The following GK5 variants were observed in gnomAD, a reference collection of about 807,000 sequenced individuals.
GK5 encodes glycerol kinase 5.
GK5 carries 39 observed loss-of-function variants against 77.3 expected under a neutral mutation model. The ratio of observed to expected loss-of-function variants is 0.50; its 90% confidence interval spans 0.39 to 0.66. The LOEUF (loss-of-function observed/expected upper bound fraction) is 0.66. Ranked by LOEUF, GK5 falls within the 30% of genes least tolerant of loss-of-function variation. The pLI, the probability that GK5 is intolerant of heterozygous loss-of-function variation, is 0.00. For missense variants in GK5, 487 were observed against 633.8 expected (o/e 0.77, Z 2.49); for synonymous variants, 211 against 208.0 (o/e 1.01, Z -0.13).
intron 1 of GK5, among the ~76,000 whole-genome samples, chr3:142,222,258 G>GT (rs200479850): frequency 3.3e-5 from 5 of 152,248 alleles, no homozygotes; most frequent in African/African-American, 1.2e-4. Flanking sequence ...GTTGCTAATT[G>GT]TTTTTTTAAA....
chr3:142,182,832 C>A, intron 10 of GK5, 91 bp downstream of exon 10: 1 of 845,852 alleles, frequency 1.2e-6, no homozygotes. Flanking sequence ...GAGAATATCA[C>A]AAAATGGGAA....
At chr3:142,200,137 A>T (rs1159229717) in intron 4 of GK5, among the ~76,000 whole-genome samples, 1 of 151,724 alleles carries the variant, frequency 6.6e-6, no homozygotes, top group African/African-American at 2.4e-5. Flanking sequence ...ATACACACAC[A>T]CATACATATG....
chr3:142,170,238 C>G (rs2063519863), intron 15 of GK5, 87 bp downstream of exon 15: 1 of 1,395,096 alleles, frequency 7.2e-7, no homozygotes. Context: ...TCCAGACTCT[C>G]TAGAATTTTG....
chr3:142,192,570 C>G lies in GK5; in HGVS notation c.544-4791G>C, dbSNP rs191720415. Among the ~76,000 whole-genome samples, 344 of 152,184 alleles carry G rather than the reference C, an allele frequency of 2.3e-3. 1 individual carries two copies. Among genetic ancestry groups the G allele is most frequent in the African/African-American group, 7.7e-3 (319 of 41,536 alleles). On this transcript the variant is annotated intron_variant, in intron 5 of 15. Coordinates refer to ENST00000392993, the MANE Select transcript of GK5 (RefSeq NM_001039547.3). ...CTTAAGGTCGGGAGGTCGAGAGCAG[C>G]CTGGCCAACATGATGAAATCCCGTC...
At chr3:142,170,596 C>A in intron 14 of GK5, 138 bp from the exon 15 acceptor site, 1 of 692,312 alleles carries the variant, frequency 1.4e-6, no homozygotes, top group East Asian at 2.8e-5. Flanking sequence ...AATCACTTAG[C>A]ATTAACCTAA....
intron 5 of GK5, among the ~76,000 whole-genome samples, chr3:142,190,334 G>C (rs1295388438): frequency 6.6e-6 from 1 of 152,126 alleles, no homozygotes; most frequent in East Asian, 1.9e-4. Flanking sequence ...GATAGGTAAA[G>C]AGCTTGGAAG....
In GK5 at chr3:142,203,744, A is replaced by G. The variant is rs182974145; in HGVS notation, c.411+951T>C. ...AGCTGAGATCGCGCCACTGCACTCC[A>G]GCTTGGGCGATAGAGCAAGACTCCA... On this transcript the variant is annotated intron_variant, in intron 4 of 15. Transcript: ENST00000392993. Among the ~76,000 whole-genome samples the G allele has an allele frequency of 1.6e-3, 248 of 152,340 alleles. 2 individuals carry two copies. The highest frequency in any genetic ancestry group is 5.7e-3 in the African/African-American group (237 of 41,588).
intron 12 of GK5, among the ~76,000 whole-genome samples, chr3:142,174,761 C>T (rs993614604): frequency 1.3e-5 from 2 of 152,174 alleles, no homozygotes; most frequent in African/African-American, 4.8e-5. Context: ...AGGGTGAGTA[C>T]AGCTGACTCA....
chr3:142,193,119 T>A (rs1475792207), intron 5 of GK5, among the ~76,000 whole-genome samples: 1 of 152,104 alleles, frequency 6.6e-6, no homozygotes, highest in East Asian at 1.9e-4. Flanking sequence ...TCCATATTGG[T>A]TCATTAATTG....
intron 5 of GK5, among the ~76,000 whole-genome samples, chr3:142,192,669 CAGG>C (rs1202266133): frequency 6.6e-6 from 1 of 151,178 alleles, no homozygotes; most frequent in East Asian, 1.9e-4. Context: ...GAGGCTGAAG[CAGG>C]AGAATTGCTT....
chr3:142,165,658 T>C lies in GK5; in HGVS notation c.1554A>G (p.Ala518=). ...YEMSLENWAK[A]VKRSMNWYNK... is the part of the protein sequence containing the mutation. ...TATACCAATTCATGGAGCGTTTCAC[T>C]GCTTTGGCCCAGTTTTCCAGACTCA... Residue 518 remains alanine (A), a synonymous_variant, in exon 16 of 16, where the codon GCA becomes GCG. Coordinates refer to ENST00000392993, the MANE Select transcript of GK5 (RefSeq NM_001039547.3). 1 of 1,612,560 alleles carries C rather than the reference T, an allele frequency of 6.2e-7. No individual in the cohort carries two copies. The highest frequency in any genetic ancestry group is 8.5e-7 in the Non-Finnish European group (1 of 1,179,538).
intron 4 of GK5, 52 bp downstream of exon 4, chr3:142,204,643 T>C (rs1410781281): frequency 1.0e-6 from 1 of 999,996 alleles, no homozygotes; most frequent in Non-Finnish European, 1.6e-6. Context: ...TTAAGGGACA[T>C]TTACAGAAAA....
chr3:142,196,931 T>C (rs892709756), intron 5 of GK5, among the ~76,000 whole-genome samples: 4 of 152,182 alleles, frequency 2.6e-5, no homozygotes, highest in Non-Finnish European at 5.9e-5. Context: ...CTCTCGCCTG[T>C]AATCCCAGCA....
At chr3:142,181,311 T>C (rs574797590) in intron 11 of GK5, 150 bp downstream of exon 11, 54 of 501,836 alleles carry the variant, frequency 1.1e-4, no homozygotes, top group African/African-American at 9.1e-4. Context: ...TTCGATATCA[T>C]AAAAATACTT....
intron 2 of GK5, among the ~76,000 whole-genome samples, chr3:142,214,033 A>G (rs2064236148): frequency 6.6e-6 from 1 of 152,198 alleles, no homozygotes; most frequent in Non-Finnish European, 1.5e-5. Flanking sequence ...CATGTTGGCC[A>G]GCCTGGTCTC....
chr3:142,178,307 A>G (rs1227250704), intron 11 of GK5, among the ~76,000 whole-genome samples: 2 of 152,214 alleles, frequency 1.3e-5, no homozygotes, highest in African/African-American at 4.8e-5. Flanking sequence ...CAAGAAAATT[A>G]ACTGAAATAC....
At chr3:142,214,167 G>A (rs1442292012) in intron 2 of GK5, among the ~76,000 whole-genome samples, 1 of 152,050 alleles carries the variant, frequency 6.6e-6, no homozygotes, top group Non-Finnish European at 1.5e-5. Flanking sequence ...TTTTGTTTTA[G>A]GTGCTGGGAA....
intron 1 of GK5, among the ~76,000 whole-genome samples, chr3:142,221,566 T>C (rs1325406307): frequency 6.6e-6 from 1 of 152,206 alleles, no homozygotes; most frequent in African/African-American, 2.4e-5. Context: ...ACCTAGTCTG[T>C]TTTTCAAGCA....
intron 1 of GK5, among the ~76,000 whole-genome samples, chr3:142,219,094 C>T (rs2064310455): frequency 6.6e-6 from 1 of 152,196 alleles, no homozygotes; most frequent in Non-Finnish European, 1.5e-5. Flanking sequence ...ACAACTGGAA[C>T]TCTGATACAT....
Sources: allele counts gnomAD v4.1 joint callset (sites outside exome capture counted in the v4.1 genomes callset), GRCh38; gene constraint gnomAD v4.1.1; transcripts MANE v1.5; gene names NCBI Gene and HGNC (gene_info 2026-07-23, HGNC 2026-07-21).